Variants in CSNK1G1 observed in about 807,000 individuals in gnomAD.
CSNK1G1 encodes casein kinase 1 gamma 1.
A neutral mutation model predicts 59.6 loss-of-function variants in CSNK1G1; 22 were observed. That is an observed-to-expected ratio of 0.37 (90% CI 0.26 to 0.53). The LOEUF is 0.53. CSNK1G1 is among the 20% of genes least tolerant of loss of function. The pLI is 0.89. For synonymous variants in CSNK1G1, 179 were observed against 177.1 expected (o/e 1.01, Z -0.08); for missense variants, 384 against 519.5 (o/e 0.74, Z 2.54).
chr15:64,352,040 TTCACACCTG>T (rs1898322946), intron 1 of CSNK1G1, among the ~76,000 whole-genome samples: 2 of 151,824 alleles, frequency 1.3e-5, no homozygotes, highest in Admixed American at 1.3e-4. Context: ...GGCAGGGCAG[TTCACACCTG>T]TAATCCCAGC....
At chr15:64,333,489 G>A (rs1435994842) in intron 1 of CSNK1G1, among the ~76,000 whole-genome samples, 1 of 133,280 alleles carries the variant, frequency 7.5e-6, no homozygotes, top group Non-Finnish European at 1.6e-5. Context: ...AGAAGCTCCT[G>A]AAAGCACAAA....
chr15:64,307,275 A>C (rs1895729996), intron 1 of CSNK1G1, among the ~76,000 whole-genome samples: 1 of 152,138 alleles, frequency 6.6e-6, no homozygotes, highest in Non-Finnish European at 1.5e-5. Flanking sequence ...TGTACTCTCC[A>C]CTCCATTTCT....
At chr15:64,232,457 G>A (rs944134289) in intron 4 of CSNK1G1, among the ~76,000 whole-genome samples, 5 of 152,164 alleles carry the variant, frequency 3.3e-5, no homozygotes, top group Admixed American at 1.3e-4. Context: ...TACTGGAAAG[G>A]AACTAGTTAA....
rs1365838654 is a variant in CSNK1G1, at chr15:64,165,541, GTATT to G, written c.*6386_*6389del. On this transcript the variant is annotated 3_prime_UTR_variant, in exon 12 of 12. Transcript: ENST00000303052. ...CTTCAGCACTCGAAGAGAGACAGCA[GTATT>G]TATTTTTGAAGTGACTCACAGGAGA... 6.6e-6 allele frequency: 1 copy of G among 152,358 alleles called. No individual in the cohort carries two copies. The highest frequency in any genetic ancestry group is 1.5e-5 in the Non-Finnish European group (1 of 68,214). 9.4% of individuals were successfully genotyped at this position (152,358 alleles called of 1,614,324 possible).
chr15:64,178,522 G>A (rs1027523500), intron 11 of CSNK1G1, among the ~76,000 whole-genome samples: 2 of 140,184 alleles, frequency 1.4e-5, no homozygotes, highest in Non-Finnish European at 3.0e-5. Flanking sequence ...TCGCTCTGTC[G>A]CCAGGATGGA....
intron 2 of CSNK1G1, among the ~76,000 whole-genome samples, chr15:64,271,237 C>T (rs1893287632): frequency 6.6e-6 from 1 of 152,040 alleles, no homozygotes; most frequent in Admixed American, 6.6e-5. Flanking sequence ...ATCCGCCTGT[C>T]TCAGCCTGCC....
At chr15:64,306,659 T>C (rs1472198164) in intron 1 of CSNK1G1, among the ~76,000 whole-genome samples, 1 of 152,116 alleles carries the variant, frequency 6.6e-6, no homozygotes, top group African/African-American at 2.4e-5. Flanking sequence ...AAAACTTAAG[T>C]CCACACAAAA....
chr15:64,230,800 G>A (rs1203856138), intron 4 of CSNK1G1, among the ~76,000 whole-genome samples: 4 of 151,810 alleles, frequency 2.6e-5, no homozygotes, highest in South Asian at 4.2e-4. Flanking sequence ...GTGAAACCCC[G>A]TCTCTACTAA....
At chr15:64,318,370 A>T (rs949253677) in intron 1 of CSNK1G1, among the ~76,000 whole-genome samples, 4 of 152,096 alleles carry the variant, frequency 2.6e-5, no homozygotes, top group African/African-American at 9.6e-5. Flanking sequence ...TCTGAAAGAC[A>T]TTTCTAGAAA....
rs1380561155 is a variant in CSNK1G1, at chr15:64,222,430, ACACCAC to A, written c.293-5723_293-5718del. Among the ~76,000 whole-genome samples the A allele has an allele frequency of 7.8e-4, 96 of 122,816 alleles. 2 individuals carry two copies. Among genetic ancestry groups the A allele is most frequent in the African/African-American group, 3.9e-3 (90 of 22,820 alleles). 80.6% of individuals were successfully genotyped at this position (122,816 alleles called of 152,430 possible). A position where few individuals can be genotyped will look rare whatever the true frequency, so the allele number is the denominator to read the frequency against. On this transcript the variant is annotated intron_variant, in intron 4 of 11. Transcript: ENST00000303052. ...AAGAAATAAAGAAATAACAACAACA[ACACCAC>A]CAAAAAAAAAAAAAAAAAAAAAAGA...
intron 6 of CSNK1G1, among the ~76,000 whole-genome samples, chr15:64,212,230 C>T (rs1257354988): frequency 6.6e-6 from 1 of 152,160 alleles, no homozygotes; most frequent in Non-Finnish European, 1.5e-5. Flanking sequence ...ATTACATTTA[C>T]TTAAGTGAGG....
At chr15:64,300,273 T>C in intron 2 of CSNK1G1, 46 bp downstream of exon 2, 9 of 1,554,122 alleles carry the variant, frequency 5.8e-6, no homozygotes, top group Non-Finnish European at 7.9e-6. Flanking sequence ...AAGCTTATCA[T>C]AGGTATTGTT....
chr15:64,259,899 C>T (rs1410607196), intron 2 of CSNK1G1, among the ~76,000 whole-genome samples: 2 of 152,178 alleles, frequency 1.3e-5, no homozygotes, highest in Non-Finnish European at 2.9e-5. Context: ...CCTGCAATAA[C>T]GGTTTTTCCT....
At chr15:64,225,810 A>G (rs2082453035) in intron 4 of CSNK1G1, among the ~76,000 whole-genome samples, 1 of 152,112 alleles carries the variant, frequency 6.6e-6, no homozygotes, top group Admixed American at 6.6e-5. Context: ...TATTTTTAGT[A>G]GAGTCGGGGT....
chr15:64,217,801 G>A (rs991100853), intron 4 of CSNK1G1, among the ~76,000 whole-genome samples: 3 of 148,360 alleles, frequency 2.0e-5, no homozygotes, highest in African/African-American at 7.5e-5. Context: ...GGGTGACAGA[G>A]CGAGACTCCA....
chr15:64,289,405 A>C (rs990624501), intron 2 of CSNK1G1, among the ~76,000 whole-genome samples: 1 of 152,188 alleles, frequency 6.6e-6, no homozygotes, highest in Non-Finnish European at 1.5e-5. Context: ...TGACAGAAAT[A>C]ATTCTTCTCC....
intron 10 of CSNK1G1, among the ~76,000 whole-genome samples, chr15:64,186,743 A>C (rs546001199): frequency 6.6e-6 from 1 of 152,312 alleles, no homozygotes; most frequent in African/African-American, 2.4e-5. Context: ...TCCTGGCCTC[A>C]AGTGATCCTC....
intron 2 of CSNK1G1, among the ~76,000 whole-genome samples, chr15:64,277,746 T>A (rs1282715860): frequency 1.5e-5 from 1 of 68,912 alleles, no homozygotes. Context: ...AATATTGATA[T>A]ATTTAATAAT....
intron 10 of CSNK1G1, among the ~76,000 whole-genome samples, chr15:64,198,113 T>C (rs118140605): frequency 0.014 from 2,089 of 152,136 alleles, 25 homozygotes; most frequent in Non-Finnish European, 0.022. Context: ...CCTTGTGTTA[T>C]AGTTATCTGT....
Sources: allele counts gnomAD v4.1 joint callset (sites outside exome capture counted in the v4.1 genomes callset), GRCh38; gene constraint gnomAD v4.1.1; transcripts MANE v1.5; gene names NCBI Gene and HGNC (gene_info 2026-07-23, HGNC 2026-07-21).